Variants in DCLK2 observed in about 807,000 individuals in gnomAD.
The protein encoded by DCLK2 is doublecortin like kinase 2, also known as serine/threonine-protein kinase DCLK2.
In DCLK2, 31 loss-of-function variants were observed where a neutral mutation model predicts 78.4. The ratio of observed to expected loss-of-function variants is 0.40; its 90% CI spans 0.30 to 0.53. The LOEUF (loss-of-function observed/expected upper bound fraction) is 0.53. DCLK2 is among the 20% of genes least tolerant of loss of function. DCLK2 has a pLI of 0.61. For missense variants in DCLK2, 872 were observed against 973.7 expected, an observed-to-expected ratio of 0.90 and a Z score of 1.39; for synonymous variants, 407 against 374.9, an observed-to-expected ratio of 1.09 and a Z score of -0.99.
chr4:150,221,826 A>G (rs377155742), intron 7 of DCLK2, 41 bp downstream of exon 7: 1 of 1,273,594 alleles, frequency 7.9e-7, no homozygotes, highest in Admixed American at 2.1e-5. Context: ...AATGAAAATG[A>G]TAAATAATGA....
At chr4:150,143,549 T>C (rs1249696554) in intron 2 of DCLK2, among the ~76,000 whole-genome samples, 1 of 152,208 alleles carries the variant, frequency 6.6e-6, no homozygotes, top group African/African-American at 2.4e-5. Context: ...TGATTTTTTT[T>C]CCTTTGGATA....
intron 2 of DCLK2, among the ~76,000 whole-genome samples, chr4:150,104,394 T>TAAAAAAA (rs34276664): frequency 0.035 from 1,050 of 29,734 alleles, 153 homozygotes; most frequent in African/African-American, 0.041. Context: ...CCACATCTCC[T>TAAAAAAA]AAAAAAAAAA....
chr4:150,198,910 A>AACCCCC (rs751664389), intron 4 of DCLK2: 3 of 239,836 alleles, frequency 1.3e-5, no homozygotes, highest in East Asian at 9.2e-5. Context: ...CCCTTTCAGC[A>AACCCCC]CCCCCCCCCC....
At chr4:150,254,295 A>C (rs1744409154) in intron 15 of DCLK2, 2 of 397,814 alleles carry the variant, frequency 5.0e-6, no homozygotes, top group Non-Finnish European at 8.9e-6. Flanking sequence ...ATTTGGGTTT[A>C]TTGCCTTAAT....
chr4:150,249,303 C>T lies in DCLK2; in HGVS notation c.1957-265C>T, dbSNP rs141345983. Among the ~76,000 whole-genome samples the T allele has an allele frequency of 3.4e-3, 513 of 152,094 alleles. 1 individual carries two copies. Among genetic ancestry groups the T allele is most frequent in the Middle Eastern group, 0.017 (5 of 294 alleles). On this transcript the variant is annotated intron_variant, in intron 14 of 15. Transcript: ENST00000296550. ...CCTAAAGTGTGTCCTGCTTTGTGTC[C>T]CGGGAGACCTGTGCCCTCTCCTGGG...
At chr4:150,089,165 T>A (rs543826523) in intron 1 of DCLK2, among the ~76,000 whole-genome samples, 70 of 152,332 alleles carry the variant, frequency 4.6e-4, no homozygotes, top group African/African-American at 1.6e-3. Flanking sequence ...TCTCTCTTCC[T>A]CTAAACATCA....
intron 5 of DCLK2, among the ~76,000 whole-genome samples, chr4:150,211,237 G>A (rs1007561292): frequency 6.6e-6 from 1 of 152,120 alleles, no homozygotes; most frequent in Non-Finnish European, 1.5e-5. Context: ...TCGGTTACTC[G>A]CCATGTGGAC....
At chr4:150,205,856 A>G (rs1483660117) in intron 5 of DCLK2, among the ~76,000 whole-genome samples, 2 of 152,226 alleles carry the variant, frequency 1.3e-5, no homozygotes, top group Non-Finnish European at 2.9e-5. Flanking sequence ...GCCACATGCC[A>G]AGGTCCTTCA....
intron 3 of DCLK2, among the ~76,000 whole-genome samples, chr4:150,193,864 G>A (rs1302602926): frequency 1.3e-5 from 2 of 151,870 alleles, no homozygotes; most frequent in Non-Finnish European, 2.9e-5. Flanking sequence ...TAATCCTCCT[G>A]CCTCAGCCTC....
intron 4 of DCLK2, chr4:150,199,192 G>T: frequency 1.1e-6 from 1 of 925,646 alleles, no homozygotes; most frequent in Non-Finnish European, 1.7e-6. Context: ...TTATTCCAGT[G>T]CACATCTGTG....
chr4:150,244,725 C>T (rs1743177719), intron 12 of DCLK2, among the ~76,000 whole-genome samples: 1 of 152,180 alleles, frequency 6.6e-6, no homozygotes, highest in Non-Finnish European at 1.5e-5. Context: ...GATAAATTAG[C>T]TTTCTATTTT....
At chr4:150,188,353 T>A (rs1738113966) in intron 2 of DCLK2, among the ~76,000 whole-genome samples, 1 of 152,036 alleles carries the variant, frequency 6.6e-6, no homozygotes, top group Non-Finnish European at 1.5e-5. Flanking sequence ...CGCATGCCTG[T>A]AGTCCCTGGA....
At chr4:150,220,833 G>T in intron 6 of DCLK2, 55 bp downstream of exon 6, 1 of 1,375,284 alleles carries the variant, frequency 7.3e-7, no homozygotes, top group Non-Finnish European at 1.0e-6. Flanking sequence ...TGGGGACTTG[G>T]TGCTCACCTA....
At chr4:150,116,695 A>G (rs1432012659) in intron 2 of DCLK2, among the ~76,000 whole-genome samples, 1 of 152,204 alleles carries the variant, frequency 6.6e-6, no homozygotes, top group Admixed American at 6.5e-5. Context: ...TTGGTTATAA[A>G]TAGCCTTAGT....
At chr4:150,250,854 ATCCCCACACCCCCAACATCCCCCACAC>A (rs1295238002) in intron 15 of DCLK2, among the ~76,000 whole-genome samples, 9 of 137,806 alleles carry the variant, frequency 6.5e-5, no homozygotes, top group African/African-American at 1.9e-4. Context: ...CATAACCCAC[ATCCCCACACCCCCAACATCCCCCACAC>A]TCCCCACACC....
In DCLK2 at chr4:150,247,702, A is replaced by G; in HGVS notation, c.1875+3A>G. 2.5e-6 allele frequency: 4 copies of G among 1,612,818 alleles called. No individual in the cohort carries two copies. Among genetic ancestry groups the G allele is most frequent in the Non-Finnish European group, 3.4e-6 (4 of 1,179,152 alleles). On this transcript the variant is annotated splice_donor_region_variant and intron_variant, in intron 13 of 15. Coordinates refer to ENST00000296550, the MANE Select transcript of DCLK2 (RefSeq NM_001040260.4). ...ATAACATCACGGACTCTGCCAAGGTACCCTCCAGGCCTGTTTCTGTGGGTT... is the reference window on the plus strand; with the variant it reads ...ATAACATCACGGACTCTGCCAAGGTGCCCTCCAGGCCTGTTTCTGTGGGTT...
chr4:150,097,370 T>C (rs1730541403), intron 1 of DCLK2, among the ~76,000 whole-genome samples: 1 of 151,986 alleles, frequency 6.6e-6, no homozygotes. Context: ...ACCATGTTGG[T>C]GAGGCTGGCC....
At chr4:150,198,278 A>G (rs866742440) in intron 4 of DCLK2, among the ~76,000 whole-genome samples, 175 bp downstream of exon 4, 1 of 152,220 alleles carries the variant, frequency 6.6e-6, no homozygotes, top group African/African-American at 2.4e-5. Context: ...CCCAGTTACA[A>G]TAATTCTCCT....
At chr4:150,210,571 G>A (rs58654970) in intron 5 of DCLK2, among the ~76,000 whole-genome samples, 5,038 of 151,192 alleles carry the variant, frequency 0.033, 209 homozygotes, top group East Asian at 0.2. Flanking sequence ...TCTGGGAGGC[G>A]GAGGTTGCAT....
Sources: gnomAD v4.1 joint callset for allele counts (sites outside exome capture counted in the v4.1 genomes callset) on GRCh38, gnomAD v4.1.1 for gene constraint, MANE v1.5 for transcripts, NCBI Gene and HGNC (gene_info 2026-07-23, HGNC 2026-07-21) for gene names.